Variants in LRP1B observed in about 807,000 individuals in gnomAD.
LRP1B encodes low-density lipoprotein receptor-related protein 1B.
Under a neutral mutation model 556.6 loss-of-function variants are expected in LRP1B, and 217 were observed. That is an observed-to-expected ratio of 0.39 (90% CI 0.35 to 0.44). LRP1B has a LOEUF of 0.44. Ranked by LOEUF, LRP1B falls within the 20% of genes least tolerant of loss-of-function variation. The pLI is 1.00. For missense variants in LRP1B, 5,053 were observed against 5,620.8 expected (o/e 0.90, Z 3.23); for synonymous variants, 2,047 against 1,865.8 (o/e 1.10, Z -2.50).
chr2:141,442,190 T>C (rs1681003081), intron 3 of LRP1B, among the ~76,000 whole-genome samples: 1 of 152,204 alleles, frequency 6.6e-6, no homozygotes, highest in Non-Finnish European at 1.5e-5. Context: ...CAACCATCTC[T>C]GTAACAAGAT....
intron 2 of LRP1B, among the ~76,000 whole-genome samples, chr2:141,572,020 C>G (rs948004829): frequency 6.6e-6 from 1 of 152,080 alleles, no homozygotes; most frequent in African/African-American, 2.4e-5. Flanking sequence ...GGATATTATC[C>G]AGGAGAATTT....
At chr2:141,233,840 G>T (rs1356673830) in intron 5 of LRP1B, among the ~76,000 whole-genome samples, 1 of 151,802 alleles carries the variant, frequency 6.6e-6, no homozygotes, top group African/African-American at 2.4e-5. Context: ...AAATAATTAT[G>T]TAACTAACAA....
chr2:141,373,169 C>G (rs1689295768), intron 3 of LRP1B, among the ~76,000 whole-genome samples: 1 of 152,040 alleles, frequency 6.6e-6, no homozygotes. Flanking sequence ...CCACTTAGAA[C>G]TGACATCTAG....
Position 142,104,268 on chromosome 2 carries a change from C to T in LRP1B, c.82+26380G>A, listed in dbSNP as rs182074116. On this transcript the variant is annotated intron_variant, in intron 1 of 90. Transcript: ENST00000389484. ...TCTACTAATGCCAACTCTAAATCCC[C>T]ATTCTTTTACGGGAGAGTTTATAAA... 3.9e-4 allele frequency among the ~76,000 whole-genome samples: 59 copies of T among 152,172 alleles called. 2 individuals are homozygous for T. The South Asian group carries it at 6.0e-3, about 15-fold the overall frequency.
At position 142,031,589 on chromosome 2, in the gene LRP1B, G is replaced by GA. The variant is rs1036177154; in HGVS notation, c.82+99058dup. 8.5e-5 allele frequency among the ~76,000 whole-genome samples: 12 copies of GA among 141,648 alleles called. No individual in the cohort carries two copies. The East Asian group carries it at 1.0e-3, about 12-fold the overall frequency. The allele number at this position is 141,648 out of a possible 152,430, so 92.9% of individuals were successfully genotyped here. ...TAAGATTCTCTTAATGTATTGAAGA[G>GA]AAAAAAATGACATATTGTCAACTAA... On this transcript the variant is annotated intron_variant, in intron 1 of 90. Transcript: ENST00000389484.
chr2:141,915,320 C>T (rs1700001476), intron 1 of LRP1B, among the ~76,000 whole-genome samples: 2 of 152,110 alleles, frequency 1.3e-5, no homozygotes, highest in South Asian at 4.1e-4. Flanking sequence ...CTGAACCTTT[C>T]ACCATATACA....
intron 20 of LRP1B, among the ~76,000 whole-genome samples, chr2:140,949,903 C>A: frequency 1.3e-5 from 1 of 74,684 alleles, no homozygotes; most frequent in South Asian, 3.8e-4. Context: ...GGCGCCACTG[C>A]ACTCCAGCCT....
intron 31 of LRP1B, among the ~76,000 whole-genome samples, chr2:140,828,482 G>T (rs4334438): frequency 7.0e-6 from 1 of 142,346 alleles, no homozygotes; most frequent in Non-Finnish European, 1.5e-5. Context: ...GGTAGCGGGC[G>T]CCTGTAGTCC....
At chr2:140,570,973 C>T (rs1681301237) in intron 43 of LRP1B, among the ~76,000 whole-genome samples, 1 of 151,768 alleles carries the variant, frequency 6.6e-6, no homozygotes. Flanking sequence ...AAAATCCCTT[C>T]ATTATAAAAG....
chr2:141,882,304 A>G (rs1270528641), intron 1 of LRP1B, among the ~76,000 whole-genome samples: 2 of 152,122 alleles, frequency 1.3e-5, no homozygotes, highest in Admixed American at 6.6e-5. Context: ...ACCCCACTAT[A>G]CTTCACTTGC....
At chr2:141,387,477 T>G (rs1689874050) in intron 3 of LRP1B, among the ~76,000 whole-genome samples, 1 of 152,050 alleles carries the variant, frequency 6.6e-6, no homozygotes. Flanking sequence ...AATCAAAGTA[T>G]AGACATTACT....
At chr2:140,654,230 T>C (rs536657087) in intron 41 of LRP1B, among the ~76,000 whole-genome samples, 9 of 152,192 alleles carry the variant, frequency 5.9e-5, no homozygotes, top group African/African-American at 2.2e-4. Flanking sequence ...TCTGGATTGT[T>C]ACACTTTTCT....
chr2:141,071,864 C>G (rs998855881), intron 7 of LRP1B, among the ~76,000 whole-genome samples: 6 of 152,124 alleles, frequency 3.9e-5, no homozygotes, highest in Non-Finnish European at 8.8e-5. Context: ...AGTATACAAA[C>G]AAATGGAAGA....
chr2:141,097,629 CT>C (rs1700354269), intron 7 of LRP1B, among the ~76,000 whole-genome samples: 1 of 152,036 alleles, frequency 6.6e-6, no homozygotes. Context: ...AGCAACTTGC[CT>C]TTTTAAAATA....
In LRP1B at chr2:141,612,415, T is replaced by C. The variant is rs577277402; in HGVS notation, c.206-131882A>G. 4.6e-5 allele frequency among the ~76,000 whole-genome samples: 7 copies of C among 152,320 alleles called. No individual in the cohort carries two copies. The East Asian group carries it at 1.4e-3, about 29-fold the overall frequency. ...AGAGATGTCACTGGATGCTTTTCTT[T>C]CTATCTTTTAAAAATTAAACTACAT... On this transcript the variant is annotated intron_variant, in intron 2 of 90. Coordinates refer to ENST00000389484, the MANE Select transcript of LRP1B (RefSeq NM_018557.3).
chr2:140,585,444 C>T (rs908613285), intron 43 of LRP1B, among the ~76,000 whole-genome samples: 13 of 152,208 alleles, frequency 8.5e-5, no homozygotes, highest in African/African-American at 2.9e-4. Flanking sequence ...TATTTTACTA[C>T]CAAGACTGCC....
intron 7 of LRP1B, 35 bp downstream of exon 7, chr2:141,188,386 C>CA (rs1216958779): frequency 6.3e-7 from 1 of 1,589,530 alleles, no homozygotes; most frequent in East Asian, 2.3e-5. Flanking sequence ...TAAACGCAAA[C>CA]TTTTTTAGAC....
rs2105187509 is a variant in LRP1B, at chr2:140,883,969, G to C, written c.4017C>G (p.Gly1339=). 6.2e-7 allele frequency: 1 copy of C among 1,613,262 alleles called. No homozygotes were observed. The highest frequency in any genetic ancestry group is 1.8e-4 in the Middle Eastern group (1 of 5,602). ...VVEHGLATPE[G]LTVDWIAGNI... ...TTCCTGCTATCCAGTCGACTGTCAG[G>C]CCTTCTGGAGTAGCCAGGCCATGCT... The change falls in exon 25 of 91, where the codon GGC becomes GGG. Residue 1339 remains glycine (G), a synonymous_variant. Coordinates refer to ENST00000389484, the MANE Select transcript of LRP1B (RefSeq NM_018557.3).
chr2:140,297,802 AC>A lies in LRP1B; in HGVS notation c.12967+5del. The A allele has an allele frequency of 6.2e-7, 1 of 1,604,454 alleles. No individual in the cohort carries two copies. Among genetic ancestry groups the A allele is most frequent in the Non-Finnish European group, 8.5e-7 (1 of 1,173,552 alleles). Reference sequence around the variant, plus strand: ...AAGCTGGCTTCTGGGTGCTGCTTTTACTTACAGTACTGACATCTGTCTCCGG... The same window carrying A: ...AAGCTGGCTTCTGGGTGCTGCTTTTATTACAGTACTGACATCTGTCTCCGG... On this transcript the variant is annotated splice_donor_5th_base_variant and intron_variant, in intron 84 of 90. Coordinates refer to ENST00000389484, the MANE Select transcript of LRP1B (RefSeq NM_018557.3).
Sources: gnomAD v4.1 joint callset for allele counts (sites outside exome capture counted in the v4.1 genomes callset) on GRCh38, gnomAD v4.1.1 for gene constraint, MANE v1.5 for transcripts, NCBI Gene and HGNC (gene_info 2026-07-23, HGNC 2026-07-21) for gene names.